The following SLC44A2 variants were observed in gnomAD, a reference collection of about 807,000 sequenced individuals.
SLC44A2 encodes the protein solute carrier family 44 member 2 (CTL2 blood group).
Under a neutral mutation model 90.8 loss-of-function variants are expected in SLC44A2, and 57 were observed. That is an observed-to-expected ratio of 0.63 (90% CI 0.51 to 0.78). The LOEUF is 0.78. Among genes scored for constraint, SLC44A2 ranks in the 30% least tolerant of loss-of-function variants. The pLI is 0.00. For missense variants in SLC44A2, 794 were observed against 919.7 expected (o/e 0.86, Z 1.77); for synonymous variants, 355 against 360.7 (o/e 0.98, Z 0.18).
chr19:10,617,237 C>G (rs1244551229), intron 1 of SLC44A2, among the ~76,000 whole-genome samples: 1 of 152,100 alleles, frequency 6.6e-6, no homozygotes, highest in African/African-American at 2.4e-5. Flanking sequence ...TTCTTCTTAT[C>G]TTGCAGCATT....
At chr19:10,614,181 G>A (rs534922914) in intron 1 of SLC44A2, among the ~76,000 whole-genome samples, 8 of 152,092 alleles carry the variant, frequency 5.3e-5, no homozygotes, top group African/African-American at 1.9e-4. Flanking sequence ...TGGCCACGCT[G>A]GTCTGAAGCT....
In SLC44A2 at chr19:10,626,165, C is replaced by A. The variant is rs2144841065; in HGVS notation, c.38-88C>A. On this transcript the variant is annotated intron_variant, in intron 1 of 21. Transcript: ENST00000335757. Reference sequence around the variant, plus strand: ...TTTTATTCTTGCCAAGGCAAAGACACCCCTAGGGGCTTTTGGGAGGGGGCT... The same window carrying A: ...TTTTATTCTTGCCAAGGCAAAGACAACCCTAGGGGCTTTTGGGAGGGGGCT... 3 of 1,071,036 alleles carry A rather than the reference C, an allele frequency of 2.8e-6. No homozygotes were observed. The South Asian group carries it at 3.8e-5, about 13-fold the overall frequency. 66.3% of individuals were successfully genotyped at this position (1,071,036 alleles called of 1,614,324 possible).
rs1273659650 is a variant in SLC44A2, at chr19:10,638,088, G to T, written c.1835G>T (p.Ser612Ile). Residue 612 changes from serine to isoleucine, a missense_variant, in exon 19 of 22, where the codon AGT becomes ATT. Ser to Ile is a moderately radical substitution (Grantham distance 142). This residue lies in a region of SLC44A2 where 738 missense variants were observed against 841.1 expected (regional missense o/e 0.88). Transcript: ENST00000335757. ...TTGGGCAAACTTCTGATCGTTGGTA[G>T]TGTGGGTGAGTGCCGCCCACCTAGC... ...FLLGKLLIVG[S>I]VGILAFFFFT... 1 of 1,613,826 alleles carries T rather than the reference G, an allele frequency of 6.2e-7. No homozygotes were observed. Among genetic ancestry groups the T allele is most frequent in the Admixed American group, 1.7e-5 (1 of 59,966 alleles).
At position 10,627,607 on chromosome 19, in the gene SLC44A2, G is replaced by A. The variant is rs142129341; in HGVS notation, c.87-115G>A. ...GTGCCCTTTGGTACGGCATTCAAACGACTCAGGAAAATTTGTCCAAATAAC... is the reference window on the plus strand; with the variant it reads ...GTGCCCTTTGGTACGGCATTCAAACAACTCAGGAAAATTTGTCCAAATAAC... On this transcript the variant is annotated intron_variant, in intron 2 of 21. Coordinates refer to ENST00000335757, the MANE Select transcript of SLC44A2 (RefSeq NM_020428.4). 1.7e-4 allele frequency: 173 copies of A among 1,030,838 alleles called. 3 individuals are homozygous for A. In the African/African-American group the frequency reaches 1.9e-3, roughly 12 times the overall value. 63.9% of individuals were successfully genotyped at this position (1,030,838 alleles called of 1,614,324 possible). A position where few individuals can be genotyped will look rare whatever the true frequency, so the allele number is the denominator to read the frequency against.
At chr19:10,602,580 C>T in intron 1 of SLC44A2, 2 of 1,266,718 alleles carry the variant, frequency 1.6e-6, no homozygotes, top group African/African-American at 1.5e-5. Context: ...CGCCTCCGGT[C>T]AGGGGCCGCC....
Position 10,635,205 on chromosome 19 carries a change from C to T in SLC44A2, c.1098C>T (p.Val366=). ...TGTGCTCCTTGCTCTACCCACTGGT[C>T]ACCTTCTTCTTGCTGTGCCTCTGCA... is the stretch of plus-strand genomic sequence containing the variant. The part of the protein sequence containing the change: ...YVMCSLLYPL[V]TFFLLCLCIA... The change falls in exon 13 of 22, where the codon GTC becomes GTT. Residue 366 remains valine (V), a synonymous_variant. Coordinates refer to ENST00000335757, the MANE Select transcript of SLC44A2 (RefSeq NM_020428.4). The T allele has an allele frequency of 1.2e-6, 2 of 1,614,034 alleles. No individual in the cohort carries two copies. Among genetic ancestry groups the T allele is most frequent in the Non-Finnish European group, 1.7e-6 (2 of 1,180,022 alleles).
chr19:10,619,099 G>A (rs1293781427), intron 1 of SLC44A2, among the ~76,000 whole-genome samples: 1 of 150,652 alleles, frequency 6.6e-6, no homozygotes, highest in South Asian at 2.1e-4. Context: ...GGCTTCCCCA[G>A]TAGCTGGGAC....
chr19:10,607,005 G>A (rs759246395), intron 1 of SLC44A2, among the ~76,000 whole-genome samples: 8 of 146,472 alleles, frequency 5.5e-5, no homozygotes, highest in Non-Finnish European at 1.0e-4. Context: ...TCCGCCTCCC[G>A]GGTTCACGCC....
chr19:10,620,879 A>C (rs1405073896), upstream of SLC44A2, among the ~76,000 whole-genome samples: 1 of 152,100 alleles, frequency 6.6e-6, no homozygotes, highest in Non-Finnish European at 1.5e-5. Flanking sequence ...GGTCTACAAA[A>C]AATTTTAAAA....
chr19:10,638,834 T>C (rs1020892669), intron 20 of SLC44A2, among the ~76,000 whole-genome samples: 3 of 146,562 alleles, frequency 2.0e-5, no homozygotes, highest in Non-Finnish European at 3.0e-5. Flanking sequence ...AGTTTCACTC[T>C]TGTTGCCCAG....
At chr19:10,639,045 C>T (rs1184349586) in intron 20 of SLC44A2, among the ~76,000 whole-genome samples, 2 of 151,884 alleles carry the variant, frequency 1.3e-5, no homozygotes, top group African/African-American at 2.4e-5. Context: ...GTGATCCACC[C>T]GCCTCAGCTT....
At chr19:10,620,187 C>A (rs535247150) in intron 1 of SLC44A2, among the ~76,000 whole-genome samples, 45 of 147,982 alleles carry the variant, frequency 3.0e-4, no homozygotes, top group Middle Eastern at 7.1e-3. Context: ...AAAACAAAAA[C>A]AAAAAAAAAA....
At chr19:10,621,780 C>T (rs994925127), upstream of SLC44A2, among the ~76,000 whole-genome samples, 7 of 152,094 alleles carry the variant, frequency 4.6e-5, no homozygotes, top group Non-Finnish European at 7.4e-5. Flanking sequence ...CACCTCGCCC[C>T]GGCTAATTTT....
chr19:10,639,442 G>A (rs1027579257), intron 20 of SLC44A2, among the ~76,000 whole-genome samples: 2 of 152,138 alleles, frequency 1.3e-5, no homozygotes, highest in African/African-American at 4.8e-5. Context: ...GCAGGTGTGG[G>A]GGGGGTCCAG....
Position 10,638,005 on chromosome 19 carries a change from C to T in SLC44A2, c.1770-18C>T, listed in dbSNP as rs1422571647. The T allele has an allele frequency of 6.2e-7, 1 of 1,613,978 alleles. No individual in the cohort carries two copies. The highest frequency in any genetic ancestry group is 8.5e-7 in the Non-Finnish European group (1 of 1,179,984). ...CCTGAAGCCAGCATTCACACCTGCC[C>T]CTCACTGTCCCCTGCAGAGTGGCTG... On this transcript the variant is annotated intron_variant, in intron 18 of 21. Transcript: ENST00000335757.
At chr19:10,640,202 T>G (rs116031706) in intron 20 of SLC44A2, among the ~76,000 whole-genome samples, 3,924 of 150,862 alleles carry the variant, frequency 0.026, 169 homozygotes, top group African/African-American at 0.092. Context: ...GCGATTCTCC[T>G]GTCTCAGCTC....
chr19:10,608,226 GAAAA>G (rs71164103), intron 1 of SLC44A2, among the ~76,000 whole-genome samples: 5 of 123,974 alleles, frequency 4.0e-5, no homozygotes, highest in Non-Finnish European at 8.4e-5. Flanking sequence ...CCGTCTCAAA[GAAAA>G]AAAAAAAAAA....
chr19:10,606,946 C>G (rs1918124654), intron 1 of SLC44A2, among the ~76,000 whole-genome samples: 1 of 139,362 alleles, frequency 7.2e-6, no homozygotes. Flanking sequence ...GAGTCTCGCT[C>G]TGTCGCCCAG....
upstream of SLC44A2, chr19:10,625,326 G>T: frequency 2.0e-6 from 1 of 496,236 alleles, no homozygotes; most frequent in East Asian, 4.7e-5. Flanking sequence ...GTTCTAGGCG[G>T]CATCGCCCGG....
Sources: allele counts gnomAD v4.1 joint callset (sites outside exome capture counted in the v4.1 genomes callset), GRCh38; gene constraint gnomAD v4.1.1; regional missense constraint gnomAD v4.1.1; transcripts MANE v1.5; gene names NCBI Gene and HGNC (gene_info 2026-07-23, HGNC 2026-07-21).